ACOXL: variants seen among roughly 807,000 people sequenced by gnomAD.
ACOXL encodes acyl-CoA oxidase like.
A neutral mutation model predicts 71.9 loss-of-function variants in ACOXL; 70 were observed. That is an observed-to-expected ratio of 0.97 (90% CI 0.80 to 1.19). The LOEUF (loss-of-function observed/expected upper bound fraction) is 1.19. Among genes scored for constraint, ACOXL ranks in the 50% most tolerant of loss-of-function variants. The pLI, the probability that ACOXL is intolerant of heterozygous loss-of-function variation, is 0.00. For synonymous variants in ACOXL, 253 were observed against 281.6 expected (o/e 0.90, Z 1.02); for missense variants, 703 against 736.3 (o/e 0.95, Z 0.52).
At chr2:111,045,093 G>A (rs755355881) in intron 15 of ACOXL, among the ~76,000 whole-genome samples, 2 of 152,190 alleles carry the variant, frequency 1.3e-5, no homozygotes, top group African/African-American at 2.4e-5. Context: ...ACACTTAGGC[G>A]CAGTTGAGAC....
chr2:111,109,925 C>T (rs1196045711), intron 17 of ACOXL, among the ~76,000 whole-genome samples: 1 of 152,044 alleles, frequency 6.6e-6, no homozygotes, highest in Non-Finnish European at 1.5e-5. Context: ...GCAATCCACC[C>T]GCCTCAGCTT....
chr2:110,899,880 T>C (rs2059157869), intron 10 of ACOXL, among the ~76,000 whole-genome samples: 1 of 152,144 alleles, frequency 6.6e-6, no homozygotes, highest in African/African-American at 2.4e-5. Context: ...GGCTCCTCTC[T>C]AGGGTCGGCT....
chr2:110,794,811 C>G (rs538251515), intron 5 of ACOXL, among the ~76,000 whole-genome samples: 1 of 151,688 alleles, frequency 6.6e-6, no homozygotes, highest in East Asian at 1.9e-4. Flanking sequence ...TTTCCATTCC[C>G]TTCTTGCTAA....
At chr2:111,028,856 C>CCT (rs2065135447) in intron 14 of ACOXL, among the ~76,000 whole-genome samples, 1 of 152,108 alleles carries the variant, frequency 6.6e-6, no homozygotes, top group Non-Finnish European at 1.5e-5. Flanking sequence ...GTGTGATCAT[C>CCT]CATCTTTATA....
chr2:110,914,639 A>G (rs928076981), intron 11 of ACOXL, among the ~76,000 whole-genome samples: 1 of 152,082 alleles, frequency 6.6e-6, no homozygotes, highest in African/African-American at 2.4e-5. Context: ...ATTTTTTCCA[A>G]TATTTATTTC....
chr2:111,044,453 C>A (rs1037560604), intron 15 of ACOXL, among the ~76,000 whole-genome samples: 10 of 152,226 alleles, frequency 6.6e-5, no homozygotes, highest in African/African-American at 2.4e-4. Context: ...TAAAGCTTAG[C>A]CGCAGGGGCA....
At chr2:110,847,808 A>T (rs986011572) in intron 10 of ACOXL, among the ~76,000 whole-genome samples, 2 of 152,198 alleles carry the variant, frequency 1.3e-5, no homozygotes, top group African/African-American at 4.8e-5. Context: ...TCACAGTGTG[A>T]CCGTCCTGAG....
At chr2:111,100,290 A>G (rs1262550242) in intron 17 of ACOXL, 1 of 152,672 alleles carries the variant, frequency 6.5e-6, no homozygotes, top group Non-Finnish European at 1.5e-5. Context: ...GAGCTCAAAT[A>G]ATGGAATCAT....
intron 10 of ACOXL, among the ~76,000 whole-genome samples, chr2:110,868,374 C>T (rs966054097): frequency 2.0e-5 from 3 of 152,150 alleles, no homozygotes; most frequent in African/African-American, 7.2e-5. Context: ...GTTTCTGGCT[C>T]AGGATTGGCT....
At chr2:111,066,310 A>G (rs1176714922) in intron 16 of ACOXL, among the ~76,000 whole-genome samples, 1 of 152,222 alleles carries the variant, frequency 6.6e-6, no homozygotes, top group Non-Finnish European at 1.5e-5. Context: ...CCGTTGATAT[A>G]CCAGTCTTGA....
chr2:110,971,128 A>T (rs558945074), intron 12 of ACOXL, among the ~76,000 whole-genome samples: 7 of 152,270 alleles, frequency 4.6e-5, no homozygotes, highest in African/African-American at 9.6e-5. Context: ...ACAGTGACAA[A>T]CAAACAATCC....
intron 17 of ACOXL, among the ~76,000 whole-genome samples, chr2:111,096,281 G>C (rs1181065501): frequency 6.6e-6 from 1 of 150,900 alleles, no homozygotes; most frequent in Admixed American, 6.6e-5. Context: ...CTGTAGCCCA[G>C]GCTGGAGTGC....
intron 9 of ACOXL, among the ~76,000 whole-genome samples, chr2:110,823,286 A>T (rs1032348179): frequency 6.6e-6 from 1 of 151,090 alleles, no homozygotes; most frequent in Admixed American, 6.6e-5. Context: ...ATGTTTTTTC[A>T]TGACTGGATA....
chr2:110,816,011 G>A (rs910159633), intron 9 of ACOXL, among the ~76,000 whole-genome samples: 18 of 152,114 alleles, frequency 1.2e-4, no homozygotes, highest in Non-Finnish European at 2.5e-4. Context: ...AAAAATGCAT[G>A]TATAGATGGA....
chr2:110,975,297 A>G (rs953045102), intron 12 of ACOXL, among the ~76,000 whole-genome samples: 3 of 152,204 alleles, frequency 2.0e-5, no homozygotes, highest in Admixed American at 6.5e-5. Flanking sequence ...TTCAAGACAG[A>G]AGTTGAAAGA....
intron 9 of ACOXL, among the ~76,000 whole-genome samples, chr2:110,814,626 A>G (rs184739406): frequency 1.1e-4 from 17 of 152,338 alleles, no homozygotes; most frequent in Admixed American, 1.1e-3. Context: ...TTTGTGGGTT[A>G]TAACTTTATG....
intron 10 of ACOXL, among the ~76,000 whole-genome samples, chr2:110,858,452 G>GT (rs1476339066): frequency 2.6e-5 from 4 of 152,150 alleles, no homozygotes; most frequent in African/African-American, 9.7e-5. Context: ...TTTTGGTTGG[G>GT]TGACACTTGT....
intron 14 of ACOXL, among the ~76,000 whole-genome samples, chr2:111,022,073 C>T (rs1461355786): frequency 6.6e-6 from 1 of 152,072 alleles, no homozygotes; most frequent in Non-Finnish European, 1.5e-5. Context: ...TATAGGAAGG[C>T]CGGACGTGGT....
Position 110,792,738 on chromosome 2 carries a change from G to A in ACOXL, c.160-912G>A, listed in dbSNP as rs1200791268. On this transcript the variant is annotated intron_variant, in intron 3 of 17. Coordinates refer to ENST00000439055, the MANE Select transcript of ACOXL (RefSeq NM_001142807.4). ...CGCTTGAGCCTGAGAGTTTGACAAT[G>A]CAGTGAGCTATGATCATGCCACTGT... Among the ~76,000 whole-genome samples, 3 of 152,214 alleles carry A rather than the reference G, an allele frequency of 2.0e-5. 1 individual carries two copies. The highest frequency in any genetic ancestry group is 4.4e-5 in the Non-Finnish European group (3 of 68,036).
Sources: allele counts gnomAD v4.1 joint callset (sites outside exome capture counted in the v4.1 genomes callset), GRCh38; gene constraint gnomAD v4.1.1; transcripts MANE v1.5; gene names NCBI Gene and HGNC (gene_info 2026-07-23, HGNC 2026-07-21).